Variants in CMIP observed in about 807,000 individuals in gnomAD.
CMIP encodes the protein c-Maf inducing protein.
A neutral mutation model predicts 97.3 loss-of-function variants in CMIP; 13 were observed. The ratio of observed to expected loss-of-function variants is 0.13; its 90% CI spans 0.09 to 0.21. CMIP has a LOEUF of 0.21. Among genes scored for constraint, CMIP ranks in the 10% least tolerant of loss-of-function variants. The probability of loss-of-function intolerance (pLI) is 1.00; values close to 1 mark genes in which losing one functional copy is unlikely to be tolerated. For missense variants in CMIP, 847 were observed against 1,024.9 expected, an observed-to-expected ratio of 0.83 and a Z score of 2.37; for synonymous variants, 538 against 436.3, an observed-to-expected ratio of 1.23 and a Z score of -2.91.
intron 1 of CMIP, among the ~76,000 whole-genome samples, chr16:81,606,670 C>T (rs2091749617): frequency 6.6e-6 from 1 of 151,884 alleles, no homozygotes; most frequent in African/African-American, 2.4e-5. Flanking sequence ...CAAGACAGAC[C>T]TAGGCCCTGA....
At chr16:81,499,946 A>T (rs1315352753) in intron 1 of CMIP, among the ~76,000 whole-genome samples, 2 of 151,978 alleles carry the variant, frequency 1.3e-5, no homozygotes, top group Non-Finnish European at 1.5e-5. Context: ...CGCCCCACGC[A>T]CTCTGGGCTT....
intron 1 of CMIP, among the ~76,000 whole-genome samples, chr16:81,559,265 C>A (rs572076113): frequency 3.4e-4 from 52 of 152,310 alleles, no homozygotes; most frequent in Non-Finnish European, 6.0e-4. Flanking sequence ...GTAAGAGTGA[C>A]CCCCAAGAGT....
At position 81,655,202 on chromosome 16, in the gene CMIP, G is replaced by A. The variant is rs768302025; in HGVS notation, c.640-2573G>A. On this transcript the variant is annotated intron_variant, in intron 4 of 20. Coordinates refer to ENST00000537098, the MANE Select transcript of CMIP (RefSeq NM_198390.3). This position sits in a 1 kb window ranked among gnomAD's most constrained non-coding sequence, Gnocchi z 4.9. ...GCTGGAAAAACAAACATCTGCCTTC[G>A]ACCTCCGTGCCCTGTTTTGGGGCTG... Among the ~76,000 whole-genome samples, 10 of 152,108 alleles carry A rather than the reference G, an allele frequency of 6.6e-5. No homozygotes were observed. The highest frequency in any genetic ancestry group is 1.2e-4 in the African/African-American group (5 of 41,414).
intron 1 of CMIP, among the ~76,000 whole-genome samples, chr16:81,527,563 TAC>T (rs1308830621): frequency 6.6e-6 from 1 of 152,270 alleles, no homozygotes; most frequent in African/African-American, 2.4e-5. Context: ...ATTTTGTTTC[TAC>T]CATGGAAGCA....
At chr16:81,468,260 G>T (rs539420932) in intron 1 of CMIP, among the ~76,000 whole-genome samples, 1 of 152,308 alleles carries the variant, frequency 6.6e-6, no homozygotes, top group Non-Finnish European at 1.5e-5. Flanking sequence ...CTGTCTTCAA[G>T]ATAAACTGTA....
intron 1 of CMIP, among the ~76,000 whole-genome samples, chr16:81,564,850 G>C (rs1214915112): frequency 3.9e-5 from 6 of 152,184 alleles, no homozygotes; most frequent in African/African-American, 7.2e-5. Context: ...TAATGGATGA[G>C]CACACAGAGA....
At chr16:81,506,176 A>G (rs903347910) in intron 1 of CMIP, among the ~76,000 whole-genome samples, 9 of 152,154 alleles carry the variant, frequency 5.9e-5, no homozygotes, top group Admixed American at 3.9e-4. Flanking sequence ...CGGAGAGGTT[A>G]AGGAACTTCC....
chr16:81,561,241 C>T (rs1431855546), intron 1 of CMIP, among the ~76,000 whole-genome samples: 1 of 152,234 alleles, frequency 6.6e-6, no homozygotes, highest in East Asian at 1.9e-4. Context: ...AGGCGTGAGT[C>T]AGTGTGCCTG....
Position 81,709,928 on chromosome 16 carries a change from T to G in CMIP, c.*129T>G, listed in dbSNP as rs1358272408. On this transcript the variant is annotated 3_prime_UTR_variant, in exon 21 of 21. Coordinates refer to ENST00000537098, the MANE Select transcript of CMIP (RefSeq NM_198390.3). ...CTGTGAGATAGATGGGGAGTCTTTC[T>G]GGGGGCGGAGGGGGGAGGGGGTGGG... 0.024 allele frequency: 155 copies of G among 6,484 alleles called. No individual in the cohort carries two copies. Among genetic ancestry groups the G allele is most frequent in the South Asian group, 0.05 (42 of 842 alleles). The allele number at this position is 6,484 out of a possible 1,614,324, so 0.4% of individuals were successfully genotyped here.
chr16:81,639,007 A>G (rs1272349123), intron 3 of CMIP, among the ~76,000 whole-genome samples: 1 of 152,136 alleles, frequency 6.6e-6, no homozygotes, highest in Admixed American at 6.5e-5. Flanking sequence ...TGTGAAGATC[A>G]GAGAGCCTTT....
rs201973165 is a variant in CMIP at position 81,669,669 on chromosome 16, A to C, written c.826-473A>C. 7.4e-4 allele frequency among the ~76,000 whole-genome samples: 53 copies of C among 71,264 alleles called. No homozygotes were observed. The East Asian group carries it at 0.035, about 47-fold the overall frequency. 46.8% of individuals were successfully genotyped at this position (71,264 alleles called of 152,430 possible). ...ACCTCACACCTTCCACACCCACCTC[A>C]CACTCACCTCCTTCCACACCCACCT... On this transcript the variant is annotated intron_variant, in intron 7 of 20. Coordinates refer to ENST00000537098, the MANE Select transcript of CMIP (RefSeq NM_198390.3).
chr16:81,598,225 A>T (rs927824787), intron 1 of CMIP, among the ~76,000 whole-genome samples: 1 of 151,636 alleles, frequency 6.6e-6, no homozygotes, highest in African/African-American at 2.4e-5. Flanking sequence ...CGCCTACAAC[A>T]GAGCTGACCA....
chr16:81,486,657 C>T (rs1471447940), intron 1 of CMIP, among the ~76,000 whole-genome samples: 1 of 152,176 alleles, frequency 6.6e-6, no homozygotes, highest in South Asian at 2.1e-4. Flanking sequence ...TGCCCGGTCC[C>T]CAGAGAGAGC....
At position 81,616,660 on chromosome 16, in the gene CMIP, A is replaced by G. The variant is rs2091922857; in HGVS notation, c.427-4216A>G. The stretch of plus-strand genomic sequence containing the variant: ...GACCTCCAAGAGTTGAGAGGATCCC[A>G]GAGTGGAACAGAAGTGGCCAGAAAG... On this transcript the variant is annotated intron_variant, in intron 2 of 20. Coordinates refer to ENST00000537098, the MANE Select transcript of CMIP (RefSeq NM_198390.3). This position sits in a 1 kb window ranked among gnomAD's most constrained non-coding sequence, Gnocchi z 4.7. 6.6e-6 allele frequency among the ~76,000 whole-genome samples: 1 copy of G among 152,196 alleles called. No homozygotes were observed. Among genetic ancestry groups the G allele is most frequent in the South Asian group, 2.1e-4 (1 of 4,818 alleles).
chr16:81,492,640 G>A (rs1214804255), intron 1 of CMIP, among the ~76,000 whole-genome samples: 1 of 152,156 alleles, frequency 6.6e-6, no homozygotes, highest in African/African-American at 2.4e-5. Flanking sequence ...GGGGACAAAG[G>A]CGCCTTGGGA....
chr16:81,699,655 T>C, intron 14 of CMIP, 30 bp from the exon 15 acceptor site: 1 of 1,458,696 alleles, frequency 6.9e-7, no homozygotes, highest in African/African-American at 1.4e-5. Context: ...GGTGTCTCTG[T>C]CCCTTCACCT....
intron 13 of CMIP, chr16:81,695,771 C>T (rs146759403): frequency 6.5e-5 from 10 of 152,906 alleles, no homozygotes; most frequent in African/African-American, 2.4e-4. Context: ...AGACACACAG[C>T]TCTGGGAAGG....
At chr16:81,631,210 G>A (rs911406168) in intron 3 of CMIP, 1 of 152,354 alleles carries the variant, frequency 6.6e-6, no homozygotes, top group Admixed American at 6.5e-5. Flanking sequence ...AGCTCTGCTG[G>A]GGACTTCTCA....
At position 81,560,558 on chromosome 16, in the gene CMIP, A is replaced by G. The variant is rs1460497117; in HGVS notation, c.301-47009A>G. Among the ~76,000 whole-genome samples, 3 of 152,186 alleles carry G rather than the reference A, an allele frequency of 2.0e-5. No individual in the cohort carries two copies. In the East Asian group the frequency reaches 5.8e-4, roughly 29 times the overall value. On this transcript the variant is annotated intron_variant, in intron 1 of 20. Transcript: ENST00000537098. ...TACAAATGTAGTGTAGCCTAAGTGTACAGTGTTTATGAAGTCTGCAGTAGT... is the reference window on the plus strand; with the variant it reads ...TACAAATGTAGTGTAGCCTAAGTGTGCAGTGTTTATGAAGTCTGCAGTAGT...
Sources: gnomAD v4.1 joint callset for allele counts (sites outside exome capture counted in the v4.1 genomes callset) on GRCh38, gnomAD v4.1.1 for gene constraint, Gnocchi (gnomAD v3.1) non-coding constraint, MANE v1.5 for transcripts, NCBI Gene and HGNC (gene_info 2026-07-23, HGNC 2026-07-21) for gene names.